Variants in NME7 observed in about 807,000 individuals in gnomAD.
The protein encoded by NME7 is nucleoside diphosphate kinase 7.
NME7 carries 41 observed loss-of-function variants against 49.1 expected under a neutral mutation model. That is an observed-to-expected ratio of 0.83 (90% CI 0.65 to 1.08). The LOEUF (loss-of-function observed/expected upper bound fraction) is 1.08. Among genes scored for constraint, NME7 ranks in the 50% least tolerant of loss-of-function variants. NME7 has a pLI of 0.00. For synonymous variants in NME7, 139 were observed against 150.6 expected (o/e 0.92, Z 0.56); for missense variants, 423 against 463.4 (o/e 0.91, Z 0.80).
At chr1:169,247,277 A>G (rs1272063638) in intron 7 of NME7, among the ~76,000 whole-genome samples, 1 of 152,344 alleles carries the variant, frequency 6.6e-6, no homozygotes, top group African/African-American at 2.4e-5. Flanking sequence ...AAAGTTAACC[A>G]CACAATCACA....
chr1:169,223,786 TAG>T (rs202096714), intron 10 of NME7, among the ~76,000 whole-genome samples: 7,084 of 149,988 alleles, frequency 0.047, 214 homozygotes, highest in East Asian at 0.12. Context: ...TATATATATA[TAG>T]AGAGAGAGAG....
intron 6 of NME7, among the ~76,000 whole-genome samples, chr1:169,291,859 C>T (rs1488950840): frequency 1.3e-5 from 2 of 151,940 alleles, no homozygotes; most frequent in Non-Finnish European, 2.9e-5. Flanking sequence ...AGACACAATG[C>T]TATTGCATTT....
intron 6 of NME7, among the ~76,000 whole-genome samples, chr1:169,294,788 G>A (rs557885219): frequency 1.3e-5 from 2 of 152,202 alleles, no homozygotes; most frequent in Non-Finnish European, 2.9e-5. Context: ...AAATATAAAC[G>A]AATATGTTTA....
chr1:169,362,263 G>T (rs1201621777), intron 1 of NME7, among the ~76,000 whole-genome samples: 2 of 152,118 alleles, frequency 1.3e-5, no homozygotes, highest in Non-Finnish European at 2.9e-5. Context: ...TACTTCAAAG[G>T]TTTAGATTAG....
intron 11 of NME7, among the ~76,000 whole-genome samples, chr1:169,143,695 A>G (rs940186798): frequency 6.6e-6 from 1 of 152,200 alleles, no homozygotes; most frequent in African/African-American, 2.4e-5. Flanking sequence ...GAAATGTTCA[A>G]TGAATGAATT....
At chr1:169,298,484 G>T in intron 6 of NME7, 72 bp downstream of exon 6, 1 of 1,464,792 alleles carries the variant, frequency 6.8e-7, no homozygotes, top group Non-Finnish European at 9.3e-7. Flanking sequence ...ACCAGTGATA[G>T]AAATGCTTTC....
At chr1:169,200,360 T>C (rs985373617) in intron 10 of NME7, among the ~76,000 whole-genome samples, 7 of 152,082 alleles carry the variant, frequency 4.6e-5, no homozygotes, top group Admixed American at 4.6e-4. Flanking sequence ...GGTTGGAAAT[T>C]CAAGTCATTT....
intron 10 of NME7, among the ~76,000 whole-genome samples, chr1:169,203,224 C>T (rs1351784618): frequency 2.6e-5 from 4 of 152,166 alleles, no homozygotes; most frequent in Admixed American, 2.0e-4. Context: ...GGAGGATGAG[C>T]TGGAGCTACC....
At chr1:169,309,876 G>A (rs1651316884) in intron 4 of NME7, 94 bp downstream of exon 4, 1 of 751,900 alleles carries the variant, frequency 1.3e-6, no homozygotes, top group South Asian at 1.9e-5. Context: ...TTCAATACGA[G>A]GTTTTTTAAT....
intron 1 of NME7, among the ~76,000 whole-genome samples, chr1:169,333,244 T>A (rs544595274): frequency 6.6e-6 from 1 of 152,094 alleles, no homozygotes; most frequent in African/African-American, 2.4e-5. Flanking sequence ...ATCTGTGGGT[T>A]CTAAAAAATG....
At chr1:169,275,092 C>T (rs1450252878) in intron 7 of NME7, among the ~76,000 whole-genome samples, 2 of 132,714 alleles carry the variant, frequency 1.5e-5, no homozygotes, top group Admixed American at 1.5e-4. Context: ...ATTCTTCCCA[C>T]CCATGAGCAT....
In NME7 at chr1:169,230,713, C is replaced by T; in HGVS notation, c.990+5G>A. The T allele has an allele frequency of 1.3e-6, 2 of 1,576,110 alleles. No homozygotes were observed. The highest frequency in any genetic ancestry group is 8.6e-7 in the Non-Finnish European group (1 of 1,156,114). The stretch of plus-strand genomic sequence containing the variant: ...ACTAGGATAATATTTTAAACAATAA[C>T]TTACAGGATCAGCAGGTCCACAAAA... On this transcript the variant is annotated splice_donor_5th_base_variant and intron_variant, in intron 10 of 11. Transcript: ENST00000367811.
At chr1:169,189,210 A>C (rs1214137176) in intron 10 of NME7, among the ~76,000 whole-genome samples, 1 of 152,204 alleles carries the variant, frequency 6.6e-6, no homozygotes, top group East Asian at 1.9e-4. Flanking sequence ...CAATGTTGTA[A>C]ACTTTTACAA....
chr1:169,177,235 T>C (rs946252892), intron 10 of NME7, among the ~76,000 whole-genome samples: 5 of 152,278 alleles, frequency 3.3e-5, no homozygotes, highest in Non-Finnish European at 7.3e-5. Flanking sequence ...ATCCAATTCT[T>C]GGCAAATCCT....
At chr1:169,316,917 T>C (rs1343102331) in intron 3 of NME7, among the ~76,000 whole-genome samples, 3 of 142,064 alleles carry the variant, frequency 2.1e-5, no homozygotes, top group South Asian at 4.3e-4. Context: ...ATAACTTCAA[T>C]AGAAAACCAT....
At chr1:169,181,543 G>A (rs73035336) in intron 10 of NME7, among the ~76,000 whole-genome samples, 3,835 of 151,800 alleles carry the variant, frequency 0.025, 134 homozygotes, top group African/African-American at 0.085. Flanking sequence ...ATTACCTTTC[G>A]CCTGTGTTTT....
chr1:169,324,762 G>C (rs1468147049), intron 1 of NME7, among the ~76,000 whole-genome samples: 2 of 152,164 alleles, frequency 1.3e-5, no homozygotes, highest in African/African-American at 2.4e-5. Flanking sequence ...TAATCATCCT[G>C]AGTAAATTAA....
chr1:169,341,455 G>T (rs1304128423), intron 1 of NME7, among the ~76,000 whole-genome samples: 3 of 152,212 alleles, frequency 2.0e-5, no homozygotes, highest in Non-Finnish European at 2.9e-5. Flanking sequence ...GCCTCTACTA[G>T]GGCAATGCAG....
At chr1:169,202,313 G>A (rs908304596) in intron 10 of NME7, among the ~76,000 whole-genome samples, 1 of 152,090 alleles carries the variant, frequency 6.6e-6, no homozygotes, top group Admixed American at 6.6e-5. Flanking sequence ...GTTCAAAGGC[G>A]ATCTGGTGGT....
Sources: gnomAD v4.1 joint callset for allele counts (sites outside exome capture counted in the v4.1 genomes callset) on GRCh38, gnomAD v4.1.1 for gene constraint, MANE v1.5 for transcripts, NCBI Gene and HGNC (gene_info 2026-07-23, HGNC 2026-07-21) for gene names.